MROH1: variants seen among roughly 807,000 people sequenced by gnomAD.
MROH1 encodes the protein maestro heat-like repeat-containing protein family member 1.
Under a neutral mutation model 116.5 loss-of-function variants are expected in MROH1, and 117 were observed. That is an observed-to-expected ratio of 1.00 (90% CI 0.86 to 1.17). The LOEUF is 1.17. MROH1 is among the 50% of genes most tolerant of loss of function. MROH1 has a pLI of 0.00. For missense variants in MROH1, 1,873 were observed against 1,338.5 expected, an observed-to-expected ratio of 1.40 and a Z score of -6.23; for synonymous variants, 921 against 583.9, an observed-to-expected ratio of 1.58 and a Z score of -8.32.
At chr8:144,238,884 C>G in intron 15 of MROH1, 21 bp downstream of exon 15, 1 of 771,232 alleles carries the variant, frequency 1.3e-6, no homozygotes, top group East Asian at 2.4e-5. Flanking sequence ...GGCACCCGTC[C>G]CTGCCTGGCG....
At position 144,243,619 on chromosome 8, in the gene MROH1, G is replaced by T; in HGVS notation, c.2475+3G>T. 1.3e-6 allele frequency: 1 copy of T among 779,102 alleles called. No individual in the cohort carries two copies. The highest frequency in any genetic ancestry group is 1.7e-5 in the African/African-American group (1 of 59,272). 48.3% of individuals were successfully genotyped at this position (779,102 alleles called of 1,614,324 possible). On this transcript the variant is annotated splice_donor_region_variant and intron_variant, in intron 25 of 43. Transcript: ENST00000326134. ...CAGAGCTGGTGGCACAGATGATGGT[G>T]AGCGTGGCCGTGGCCTGGCAGGTCC...
chr8:144,166,630 C>T (rs767159384), intron 3 of MROH1, among the ~76,000 whole-genome samples: 14 of 152,156 alleles, frequency 9.2e-5, no homozygotes, highest in East Asian at 7.7e-4. Flanking sequence ...TGAGGGACAC[C>T]GAGAGGCCCG....
At chr8:144,252,481 A>G (rs1264598383) in intron 33 of MROH1, 1 of 152,156 alleles carries the variant, frequency 6.6e-6, no homozygotes, top group Non-Finnish European at 1.5e-5. Context: ...ATCCTGGCTA[A>G]CATGGTAAAA....
At chr8:144,175,222 A>C in intron 4 of MROH1, 2 of 923,802 alleles carry the variant, frequency 2.2e-6, no homozygotes, top group Non-Finnish European at 2.6e-6. Flanking sequence ...TGCTGCACCC[A>C]AGCTGCCCCT....
At chr8:144,241,350 C>T in intron 21 of MROH1, 45 bp from the exon 22 acceptor site, 2 of 738,102 alleles carry the variant, frequency 2.7e-6, no homozygotes, top group South Asian at 1.4e-5. Context: ...GCATGTGTGG[C>T]AGTGCGTGCT....
At chr8:144,178,644 G>A (rs1433662214) in intron 4 of MROH1, among the ~76,000 whole-genome samples, 2 of 152,234 alleles carry the variant, frequency 1.3e-5, no homozygotes, top group Non-Finnish European at 2.9e-5. Flanking sequence ...GCCGCCCTGT[G>A]CCGGCCATGT....
At position 144,250,290 on chromosome 8, in the gene MROH1, A is replaced by G. The variant is rs1842640139; in HGVS notation, c.3352A>G (p.Ser1118Gly). The G allele has an allele frequency of 1.3e-6, 1 of 767,790 alleles. No individual in the cohort carries two copies. Among genetic ancestry groups the G allele is most frequent in the African/African-American group, 1.7e-5 (1 of 58,994 alleles). The allele number at this position is 767,790 out of a possible 1,614,324, so 47.6% of individuals were successfully genotyped here. ...GEHVLPAAQHSVYLLATQHCA... is the reference protein window; with the variant it reads ...GEHVLPAAQHGVYLLATQHCA... Reference sequence around the variant, plus strand: ...GCACGTCCTGCCGGCCGCCCAGCACAGCGTGTACCTCCTGGCCACCCAGCA... The same window carrying G: ...GCACGTCCTGCCGGCCGCCCAGCACGGCGTGTACCTCCTGGCCACCCAGCA... Residue 1118 changes from serine to glycine, a missense_variant, in exon 33 of 44, where the codon AGC becomes GGC. Ser to Gly is a moderately conservative substitution (Grantham distance 56, BLOSUM62 0). Coordinates refer to ENST00000326134, the MANE Select transcript of MROH1 (RefSeq NM_032450.3).
At chr8:144,206,122 T>C (rs1588161229) in intron 12 of MROH1, among the ~76,000 whole-genome samples, 1 of 152,202 alleles carries the variant, frequency 6.6e-6, no homozygotes, top group African/African-American at 2.4e-5. Context: ...CGATCACAGC[T>C]CACTGCAGCC....
chr8:144,206,180 G>T (rs548432894), intron 12 of MROH1, among the ~76,000 whole-genome samples: 5 of 152,200 alleles, frequency 3.3e-5, no homozygotes, highest in South Asian at 2.1e-4. Context: ...CTCCTGAGTG[G>T]CTGGGACTGC....
intron 3 of MROH1, among the ~76,000 whole-genome samples, chr8:144,166,893 A>G (rs1385831306): frequency 1.3e-5 from 2 of 152,202 alleles, no homozygotes; most frequent in Non-Finnish European, 2.9e-5. Context: ...GGTTTGCTTT[A>G]CTGGCTGAAT....
chr8:144,174,751 G>A (rs1823403817), intron 4 of MROH1: 2 of 825,704 alleles, frequency 2.4e-6, no homozygotes, highest in South Asian at 1.1e-4. Context: ...CCAAAGTGCT[G>A]GGGTTACAGG....
At chr8:144,239,788 C>T (rs1449304204) in intron 18 of MROH1, 33 bp downstream of exon 18, 11 of 715,792 alleles carry the variant, frequency 1.5e-5, no homozygotes, top group Admixed American at 8.0e-5. Flanking sequence ...GTGCATAGCC[C>T]TGTGGGGAGG....
chr8:144,167,872 C>T (rs1009436864), intron 3 of MROH1, among the ~76,000 whole-genome samples: 17 of 152,162 alleles, frequency 1.1e-4, no homozygotes, highest in Non-Finnish European at 2.1e-4. Context: ...GCTGCCTGGG[C>T]ATAGACCCTC....
intron 33 of MROH1, among the ~76,000 whole-genome samples, chr8:144,253,534 G>C (rs1843186908): frequency 6.6e-6 from 1 of 152,186 alleles, no homozygotes; most frequent in African/African-American, 2.4e-5. Context: ...GTGGCCTCCT[G>C]GCGCCTCAGC....
At position 144,228,821 on chromosome 8, in the gene MROH1, A is replaced by G. The variant is rs549316359; in HGVS notation, c.1338+5591A>G. Among the ~76,000 whole-genome samples the G allele has an allele frequency of 2.0e-5, 3 of 152,344 alleles. No individual in the cohort carries two copies. The East Asian group carries it at 5.8e-4, about 29-fold the overall frequency. Reference sequence around the variant, plus strand: ...GCTGCATTGATTGACTCTTCTGTTCACAAAACTTTTCTATGTCTTATGCAC... The same window carrying G: ...GCTGCATTGATTGACTCTTCTGTTCGCAAAACTTTTCTATGTCTTATGCAC... On this transcript the variant is annotated intron_variant, in intron 14 of 43. Coordinates refer to ENST00000326134, the MANE Select transcript of MROH1 (RefSeq NM_032450.3).
intron 4 of MROH1, among the ~76,000 whole-genome samples, chr8:144,177,575 G>A (rs1466766763): frequency 6.6e-6 from 1 of 152,212 alleles, no homozygotes; most frequent in East Asian, 1.9e-4. Flanking sequence ...CAGAGTGGAT[G>A]AGGGGAGTGC....
intron 12 of MROH1, among the ~76,000 whole-genome samples, chr8:144,210,105 AT>A (rs1349650828): frequency 1.6e-4 from 24 of 151,620 alleles, no homozygotes; most frequent in Admixed American, 2.6e-4. Flanking sequence ...CCTGATTTTT[AT>A]AGTAATCACT....
At chr8:144,256,410 C>T (rs1188804745) in intron 35 of MROH1, among the ~76,000 whole-genome samples, 1 of 133,442 alleles carries the variant, frequency 7.5e-6, no homozygotes, top group Non-Finnish European at 1.7e-5. Context: ...CCCCCTGCCC[C>T]CCTTGGCCAG....
At position 144,168,346 on chromosome 8, in the gene MROH1, A is replaced by C; in HGVS notation, c.74A>C (p.Gln25Pro). The C allele has an allele frequency of 3.1e-6, 5 of 1,610,856 alleles. No individual in the cohort carries two copies. The highest frequency in any genetic ancestry group is 3.4e-6 in the Non-Finnish European group (4 of 1,179,670). ...DAITDKDPLVQEQVCSALCSL... is the reference protein window; with the variant it reads ...DAITDKDPLVPEQVCSALCSL... ...ATCACCGATAAGGACCCCCTGGTGCAGGAGCAGGTCTGCAGTGCCCTGTGC... is the reference window on the plus strand; with the variant it reads ...ATCACCGATAAGGACCCCCTGGTGCCGGAGCAGGTCTGCAGTGCCCTGTGC... The change falls in exon 4 of 44, where the codon CAG (glutamine) becomes CCG (proline). Residue 25 changes from glutamine (Q) to proline (P), a missense_variant. By Grantham distance (76) the Gln-to-Pro change is moderately conservative (BLOSUM62 -1). Coordinates refer to ENST00000326134, the MANE Select transcript of MROH1 (RefSeq NM_032450.3).
Sources: gnomAD v4.1 joint callset for allele counts (sites outside exome capture counted in the v4.1 genomes callset) on GRCh38, gnomAD v4.1.1 for gene constraint, MANE v1.5 for transcripts, NCBI Gene and HGNC (gene_info 2026-07-23, HGNC 2026-07-21) for gene names.